The following PPP4R1 variants were observed in gnomAD, a reference collection of about 807,000 sequenced individuals.
PPP4R1 encodes protein phosphatase 4 regulatory subunit 1.
PPP4R1 carries 42 observed loss-of-function variants against 111.2 expected under a neutral mutation model. That is an observed-to-expected ratio of 0.38 (90% CI 0.29 to 0.49). PPP4R1 has a LOEUF of 0.49. PPP4R1 is among the 20% of genes least tolerant of loss of function. The probability of loss-of-function intolerance (pLI) is 0.97; values close to 1 mark genes in which losing one functional copy is unlikely to be tolerated. For missense variants in PPP4R1, 1,012 were observed against 1,161.6 expected, an observed-to-expected ratio of 0.87 and a Z score of 1.87; for synonymous variants, 409 against 405.5, an observed-to-expected ratio of 1.01 and a Z score of -0.10.
chr18:9,611,634 C>A (rs751766657), intron 2 of PPP4R1, among the ~76,000 whole-genome samples: 1 of 152,212 alleles, frequency 6.6e-6, no homozygotes, highest in Non-Finnish European at 1.5e-5. Context: ...AGCCTTCAAC[C>A]AAATTATGAA....
At position 9,547,780 on chromosome 18, in the gene PPP4R1, T is replaced by A; in HGVS notation, c.*9A>T. The A allele has an allele frequency of 6.2e-7, 1 of 1,612,332 alleles. No homozygotes were observed. Among genetic ancestry groups the A allele is most frequent in the Non-Finnish European group, 8.5e-7 (1 of 1,179,736 alleles). On this transcript the variant is annotated 3_prime_UTR_variant, in exon 20 of 20. Transcript: ENST00000400556. Reference sequence around the variant, plus strand: ...ATGGAAGCAGGAAAGACACCGAGATTCAAGCCTTCTAGTAGGTTGAGGACG... The same window carrying A: ...ATGGAAGCAGGAAAGACACCGAGATACAAGCCTTCTAGTAGGTTGAGGACG...
At chr18:9,563,224 G>A (rs921072061) in intron 12 of PPP4R1, 154 bp downstream of exon 12, 1 of 1,219,440 alleles carries the variant, frequency 8.2e-7, no homozygotes, top group Non-Finnish European at 1.1e-6. Flanking sequence ...GACAGGATGT[G>A]ATGAAAACAA....
At chr18:9,606,230 C>CA (rs1598964535) in intron 2 of PPP4R1, among the ~76,000 whole-genome samples, 1 of 152,290 alleles carries the variant, frequency 6.6e-6, no homozygotes, top group East Asian at 1.9e-4. Context: ...AAAAATGTTA[C>CA]AGACCTTGGA....
chr18:9,604,146 T>C (rs1181336936), intron 2 of PPP4R1, among the ~76,000 whole-genome samples: 1 of 152,214 alleles, frequency 6.6e-6, no homozygotes, highest in Non-Finnish European at 1.5e-5. Flanking sequence ...GGAGAAAATT[T>C]TGAATGTCAA....
chr18:9,568,709 G>A (rs1428223071), intron 11 of PPP4R1, among the ~76,000 whole-genome samples: 1 of 152,060 alleles, frequency 6.6e-6, no homozygotes, highest in Non-Finnish European at 1.5e-5. Context: ...AAGGACAACT[G>A]GTAATCTTTT....
chr18:9,605,218 A>C lies in PPP4R1; in HGVS notation c.52+9008T>G, dbSNP rs1190664343. Among the ~76,000 whole-genome samples the C allele has an allele frequency of 3.3e-5, 5 of 152,184 alleles. No homozygotes were observed. In the East Asian group the frequency reaches 9.6e-4, roughly 29 times the overall value. The stretch of plus-strand genomic sequence containing the variant: ...TACACCACAGAATGAGTTACCTTAT[A>C]AAGATTTGGGGCTTTAAAATTATAT... On this transcript the variant is annotated intron_variant, in intron 2 of 19. Coordinates refer to ENST00000400556, the MANE Select transcript of PPP4R1 (RefSeq NM_001042388.3).
chr18:9,557,216 G>T lies in PPP4R1; in HGVS notation c.2190+5C>A. ...TGTTTTTATGCAAAAAAATTTAAAA[G>T]TTACCTTCAGAAAATCATGCAAGTG... On this transcript the variant is annotated splice_donor_5th_base_variant and intron_variant, in intron 15 of 19. Transcript: ENST00000400556. 1 of 1,565,088 alleles carries T rather than the reference G, an allele frequency of 6.4e-7. No individual in the cohort carries two copies.
At chr18:9,552,186 T>A (rs2066500046) in intron 16 of PPP4R1, among the ~76,000 whole-genome samples, 1 of 152,212 alleles carries the variant, frequency 6.6e-6, no homozygotes, top group Non-Finnish European at 1.5e-5. Context: ...AAAGAACTCT[T>A]ACAACTCAAC....
rs567411516 is a variant in PPP4R1, at chr18:9,560,093, A to C, written c.1843-489T>G. 2.6e-5 allele frequency among the ~76,000 whole-genome samples: 4 copies of C among 152,054 alleles called. No individual in the cohort carries two copies. The South Asian group carries it at 8.3e-4, about 32-fold the overall frequency. On this transcript the variant is annotated intron_variant, in intron 13 of 19. Transcript: ENST00000400556. ...TGGATCACTTGAGCCCAGCCTGGGCAACATGGTGAAACCCCGTCTCTACAA... is the reference window on the plus strand; with the variant it reads ...TGGATCACTTGAGCCCAGCCTGGGCCACATGGTGAAACCCCGTCTCTACAA...
Position 9,570,435 on chromosome 18 carries a change from G to C in PPP4R1, c.1295C>G (p.Ser432Cys), listed in dbSNP as rs1371816683. The change falls in exon 11 of 20, where the codon TCT becomes TGT. Residue 432 changes from serine (S) to cysteine (C), a missense_variant. By Grantham distance (112) the Ser-to-Cys change is moderately radical. This residue lies in a region of PPP4R1 where 707 missense variants were observed against 742.1 expected (regional missense o/e 0.95). Coordinates refer to ENST00000400556, the MANE Select transcript of PPP4R1 (RefSeq NM_001042388.3). ...GGTGCCAACCTCTGGTCGTAACATA[G>C]ATTTGTAGTTACCAGGTTTTTTATC... ...ENDKKPGNYK[S>C]MLRPEVGTTS... The C allele has an allele frequency of 6.2e-7, 1 of 1,614,042 alleles. No individual in the cohort carries two copies. The highest frequency in any genetic ancestry group is 1.3e-5 in the African/African-American group (1 of 74,924).
chr18:9,585,022 T>C (rs956115798), intron 6 of PPP4R1, among the ~76,000 whole-genome samples, 194 bp from the exon 7 acceptor site: 3 of 152,180 alleles, frequency 2.0e-5, no homozygotes, highest in East Asian at 3.8e-4. Flanking sequence ...CAAAGACAGA[T>C]ATTAACCACA....
At chr18:9,567,167 G>GA (rs2066781856) in intron 11 of PPP4R1, among the ~76,000 whole-genome samples, 1 of 152,172 alleles carries the variant, frequency 6.6e-6, no homozygotes, top group Admixed American at 6.5e-5. Context: ...TTCATGGGAG[G>GA]AGGTCAAAAT....
chr18:9,562,484 T>C lies in PPP4R1; in HGVS notation c.1747-409A>G, dbSNP rs1011498160. Among the ~76,000 whole-genome samples the C allele has an allele frequency of 4.6e-5, 7 of 152,320 alleles. No individual in the cohort carries two copies. In the East Asian group the frequency reaches 7.7e-4, roughly 17 times the overall value. Reference sequence around the variant, plus strand: ...TATCTAATTTCACAAATTATATATATGTTAACAGCCAAAAACAGTAACAAC... The same window carrying C: ...TATCTAATTTCACAAATTATATATACGTTAACAGCCAAAAACAGTAACAAC... On this transcript the variant is annotated intron_variant, in intron 12 of 19. Coordinates refer to ENST00000400556, the MANE Select transcript of PPP4R1 (RefSeq NM_001042388.3).
At chr18:9,555,862 C>T (rs202221664) in intron 15 of PPP4R1, among the ~76,000 whole-genome samples, 19 of 149,454 alleles carry the variant, frequency 1.3e-4, no homozygotes, top group South Asian at 8.5e-4. Flanking sequence ...TTAGGCCAGG[C>T]ATGGTGGCTC....
chr18:9,599,710 G>T (rs1161669578), intron 2 of PPP4R1: 1 of 152,166 alleles, frequency 6.6e-6, no homozygotes, highest in African/African-American at 2.4e-5. Context: ...TTATAAGACT[G>T]TTAAGCTAGC....
intron 6 of PPP4R1, among the ~76,000 whole-genome samples, chr18:9,587,138 A>G (rs1167203027): frequency 1.3e-5 from 2 of 152,198 alleles, no homozygotes; most frequent in African/African-American, 4.8e-5. Flanking sequence ...AAAAGTGTTC[A>G]ATACCTACTG....
At chr18:9,591,035 GGAAGAGACTTA>G (rs1255560092) in intron 4 of PPP4R1, among the ~76,000 whole-genome samples, 1 of 151,990 alleles carries the variant, frequency 6.6e-6, no homozygotes, top group African/African-American at 2.4e-5. Context: ...TTTTAAAGGG[GGAAGAGACTTA>G]GACATTTCAA....
At chr18:9,560,823 C>G (rs1258937724) in intron 13 of PPP4R1, among the ~76,000 whole-genome samples, 1 of 151,838 alleles carries the variant, frequency 6.6e-6, no homozygotes, top group African/African-American at 2.4e-5. Context: ...GATCTCGCCA[C>G]TGCACTCCAG....
chr18:9,557,418 A>C, intron 14 of PPP4R1, 36 bp from the exon 15 acceptor site: 1 of 1,551,498 alleles, frequency 6.4e-7, no homozygotes, highest in Non-Finnish European at 8.7e-7. Context: ...AGCTAACCAC[A>C]AAGTACGCAG....
Sources: gnomAD v4.1 joint callset for allele counts (sites outside exome capture counted in the v4.1 genomes callset) on GRCh38, gnomAD v4.1.1 for gene constraint, gnomAD v4.1.1 regional missense constraint, MANE v1.5 for transcripts, NCBI Gene and HGNC (gene_info 2026-07-23, HGNC 2026-07-21) for gene names.